Variants in CTDSP2 observed in about 807,000 individuals in gnomAD.
CTDSP2 encodes CTD small phosphatase 2, also known as carboxy-terminal domain RNA polymerase II polypeptide A small phosphatase 2.
CTDSP2 carries 9 observed loss-of-function variants against 31.6 expected under a neutral mutation model. That is an observed-to-expected ratio of 0.28 (90% confidence interval 0.17 to 0.50). The LOEUF (loss-of-function observed/expected upper bound fraction) is 0.50. Among genes scored for constraint, CTDSP2 ranks in the 20% least tolerant of loss-of-function variants. The pLI is 0.98. For missense variants in CTDSP2, 267 were observed against 348.5 expected, an observed-to-expected ratio of 0.77 and a Z score of 1.86; for synonymous variants, 134 against 134.5, an observed-to-expected ratio of 1.00 and a Z score of 0.03.
intron 2 of CTDSP2, among the ~76,000 whole-genome samples, chr12:57,829,027 G>T (rs1956199601): frequency 1.3e-5 from 2 of 152,236 alleles, no homozygotes; most frequent in South Asian, 4.1e-4. Context: ...TAGAGCCAGA[G>T]AAATCTAAGT....
At chr12:57,844,964 CA>C (rs1956305682) in intron 1 of CTDSP2, among the ~76,000 whole-genome samples, 1 of 151,628 alleles carries the variant, frequency 6.6e-6, no homozygotes, top group South Asian at 2.1e-4. Context: ...AGGCTGACAC[CA>C]CCAACTCAGC....
At chr12:57,824,762 C>T (rs1956172514) in intron 5 of CTDSP2, 2 of 494,354 alleles carry the variant, frequency 4.0e-6, no homozygotes, top group Non-Finnish European at 8.3e-6. Flanking sequence ...TAATGAATTG[C>T]ACCAGGGAGA....
At chr12:57,825,772 G>A (rs1322319542) in intron 5 of CTDSP2, among the ~76,000 whole-genome samples, 1 of 152,218 alleles carries the variant, frequency 6.6e-6, no homozygotes, top group Admixed American at 6.5e-5. Context: ...GAATCCAATG[G>A]AGGGCCCCAG....
At position 57,846,491 on chromosome 12, in the gene CTDSP2, C is replaced by T; in HGVS notation, c.-56G>A. On this transcript the variant is annotated 5_prime_UTR_variant, in exon 1 of 8. Transcript: ENST00000398073. The stretch of plus-strand genomic sequence containing the variant: ...GCGGGAGGACGGGCGGGCGCGCGGG[C>T]TGGGCTGGGCTGGGGGGCCTGGGCG... The T allele has an allele frequency of 6.9e-7, 1 of 1,451,674 alleles. No homozygotes were observed. The highest frequency in any genetic ancestry group is 9.3e-7 in the Non-Finnish European group (1 of 1,078,878). 89.9% of individuals were successfully genotyped at this position (1,451,674 alleles called of 1,614,324 possible).
intron 5 of CTDSP2, 42 bp from the exon 6 acceptor site, chr12:57,824,361 T>C: frequency 1.4e-6 from 2 of 1,478,304 alleles, no homozygotes; most frequent in Non-Finnish European, 1.9e-6. Flanking sequence ...ATCCCTGTGA[T>C]GAAGGTTTGC....
chr12:57,842,970 C>T (rs1454068698), intron 1 of CTDSP2, among the ~76,000 whole-genome samples: 4 of 152,192 alleles, frequency 2.6e-5, no homozygotes, highest in East Asian at 1.9e-4. Flanking sequence ...CTTGCCACAT[C>T]GTAATTTTCA....
chr12:57,828,885 C>G (rs1956198879), intron 2 of CTDSP2, among the ~76,000 whole-genome samples: 1 of 152,218 alleles, frequency 6.6e-6, no homozygotes. Context: ...TCCCAAATGC[C>G]TTGCATGAGT....
intron 1 of CTDSP2, among the ~76,000 whole-genome samples, chr12:57,830,067 G>A (rs1956205526): frequency 6.6e-6 from 1 of 152,172 alleles, no homozygotes; most frequent in South Asian, 2.1e-4. Context: ...AGTGGAGGCA[G>A]AACGGAGCCC....
intron 1 of CTDSP2, among the ~76,000 whole-genome samples, chr12:57,844,633 T>A (rs547952162): frequency 1.0e-3 from 155 of 151,206 alleles, no homozygotes; most frequent in African/African-American, 3.4e-3. Context: ...GTGGGAAGAG[T>A]CAGGAGTGAG....
Position 57,821,974 on chromosome 12 carries a change from G to A in CTDSP2, c.*1628C>T, listed in dbSNP as rs751072093. On this transcript the variant is annotated 3_prime_UTR_variant, in exon 8 of 8. Coordinates refer to ENST00000398073, the MANE Select transcript of CTDSP2 (RefSeq NM_005730.4). The stretch of plus-strand genomic sequence containing the variant: ...GTTCCTGAGGCTGGATCTAGGGTGT[G>A]GCAATGGAAGGGATGATGGGGAAGA... 4.6e-5 allele frequency: 7 copies of A among 152,218 alleles called. No individual in the cohort carries two copies. Among genetic ancestry groups the A allele is most frequent in the African/African-American group, 1.2e-4 (5 of 41,432 alleles). 9.4% of individuals were successfully genotyped at this position (152,218 alleles called of 1,614,324 possible).
intron 1 of CTDSP2, among the ~76,000 whole-genome samples, chr12:57,830,085 CT>C (rs1956205640): frequency 6.6e-6 from 1 of 152,140 alleles, no homozygotes; most frequent in Non-Finnish European, 1.5e-5. Flanking sequence ...CCCAATTTGC[CT>C]AAAAACTTCA....
In CTDSP2 at chr12:57,839,678, C is replaced by T. The variant is rs190311845; in HGVS notation, c.64+6694G>A. On this transcript the variant is annotated intron_variant, in intron 1 of 7. Coordinates refer to ENST00000398073, the MANE Select transcript of CTDSP2 (RefSeq NM_005730.4). The stretch of plus-strand genomic sequence containing the variant: ...GCTTGCAGTGAGCTGAGATCGAGAT[C>T]GCGCCACTGCACTCCAGCCTGGGCG... Among the ~76,000 whole-genome samples the T allele has an allele frequency of 1.6e-4, 25 of 152,030 alleles. No individual in the cohort carries two copies. The East Asian group carries it at 1.9e-3, about 12-fold the overall frequency.
At chr12:57,845,202 C>T (rs1565850531) in intron 1 of CTDSP2, among the ~76,000 whole-genome samples, 1 of 152,154 alleles carries the variant, frequency 6.6e-6, no homozygotes, top group East Asian at 1.9e-4. Context: ...AGCCAGCTCC[C>T]GCCCCAGCCT....
chr12:57,833,544 T>G (rs1956229367), intron 1 of CTDSP2, among the ~76,000 whole-genome samples: 1 of 152,230 alleles, frequency 6.6e-6, no homozygotes, highest in African/African-American at 2.4e-5. Flanking sequence ...TTCATCAGAA[T>G]GCATCAGCCT....
At chr12:57,832,137 C>T (rs909905629) in intron 1 of CTDSP2, among the ~76,000 whole-genome samples, 1 of 152,222 alleles carries the variant, frequency 6.6e-6, no homozygotes, top group Non-Finnish European at 1.5e-5. Context: ...AGAGCTTGCG[C>T]GCATGCTCTC....
chr12:57,843,446 CTT>C (rs1227207213), intron 1 of CTDSP2, among the ~76,000 whole-genome samples: 1 of 152,042 alleles, frequency 6.6e-6, no homozygotes, highest in Non-Finnish European at 1.5e-5. Flanking sequence ...CTTTCAGCAA[CTT>C]TGTTCTACTT....
chr12:57,829,096 C>T (rs1411765911), intron 2 of CTDSP2, among the ~76,000 whole-genome samples: 1 of 152,236 alleles, frequency 6.6e-6, no homozygotes, highest in African/African-American at 2.4e-5. Flanking sequence ...CATAAACCCT[C>T]TACATAAATC....
rs77928566 is a variant in CTDSP2 at position 57,823,562 on chromosome 12, G to A, written c.*40C>T. ...GATCGTAAAGGCACAGTGTGGGAAA[G>A]TCCCCTACTGGGATGGCCGTCGCTT... On this transcript the variant is annotated 3_prime_UTR_variant, in exon 8 of 8. Coordinates refer to ENST00000398073, the MANE Select transcript of CTDSP2 (RefSeq NM_005730.4). The A allele has an allele frequency of 6.2e-7, 1 of 1,609,296 alleles. No individual in the cohort carries two copies. The highest frequency in any genetic ancestry group is 8.5e-7 in the Non-Finnish European group (1 of 1,178,464).
chr12:57,823,786 C>G, intron 7 of CTDSP2, 59 bp from the exon 8 acceptor site: 1 of 1,611,722 alleles, frequency 6.2e-7, no homozygotes, highest in Admixed American at 1.7e-5. Context: ...TCCCTCGCCC[C>G]AGAGCCCTAG....
Sources: allele counts gnomAD v4.1 joint callset (sites outside exome capture counted in the v4.1 genomes callset), GRCh38; gene constraint gnomAD v4.1.1; transcripts MANE v1.5; gene names NCBI Gene and HGNC (gene_info 2026-07-23, HGNC 2026-07-21).